MDGA2: variants seen among roughly 807,000 people sequenced by gnomAD.
The protein encoded by MDGA2 is MAM domain-containing glycosylphosphatidylinositol anchor protein 2.
Under a neutral mutation model 117.8 loss-of-function variants are expected in MDGA2, and 40 were observed. The ratio of observed to expected loss-of-function variants is 0.34; its 90% confidence interval spans 0.26 to 0.44. The LOEUF (loss-of-function observed/expected upper bound fraction) is 0.44. Among genes scored for constraint, MDGA2 ranks in the 20% least tolerant of loss-of-function variants. The pLI is 1.00. For synonymous variants in MDGA2, 452 were observed against 439.0 expected (o/e 1.03, Z -0.37); for missense variants, 1,123 against 1,250.6 (o/e 0.90, Z 1.54).
chr14:47,342,256 TTATA>T (rs10536485), intron 1 of MDGA2, among the ~76,000 whole-genome samples: 17,224 of 133,946 alleles, frequency 0.13, 1,095 homozygotes, highest in Non-Finnish European at 0.15. Flanking sequence ...CACAAAATGT[TTATA>T]TATATATATA....
chr14:47,637,814 T>C (rs1054345737), intron 1 of MDGA2, among the ~76,000 whole-genome samples: 1 of 152,236 alleles, frequency 6.6e-6, no homozygotes, highest in Non-Finnish European at 1.5e-5. Flanking sequence ...TCTCATTTCA[T>C]TGTTCTTCTT....
intron 1 of MDGA2, among the ~76,000 whole-genome samples, chr14:47,472,200 A>G (rs927447150): frequency 1.1e-4 from 16 of 152,326 alleles, no homozygotes; most frequent in Middle Eastern, 3.4e-3. Flanking sequence ...GCTATAAAAT[A>G]AATGGTCATA....
intron 8 of MDGA2, among the ~76,000 whole-genome samples, chr14:46,962,347 T>C (rs1005973491): frequency 5.9e-5 from 9 of 151,776 alleles, no homozygotes; most frequent in African/African-American, 1.7e-4. Flanking sequence ...AATGTGTAGA[T>C]TGGGTTTACT....
At chr14:47,421,143 C>T (rs6572423) in intron 1 of MDGA2, among the ~76,000 whole-genome samples, 98,111 of 151,982 alleles carry the variant, frequency 0.65, 31,834 homozygotes, top group Middle Eastern at 0.74. Flanking sequence ...GGAACCTACT[C>T]TCTGGGTCAG....
intron 1 of MDGA2, among the ~76,000 whole-genome samples, chr14:47,602,343 A>G (rs1016728239): frequency 1.3e-5 from 2 of 152,172 alleles, no homozygotes; most frequent in African/African-American, 4.8e-5. Context: ...GCCTGCTTCC[A>G]GATCATGGTG....
intron 1 of MDGA2, among the ~76,000 whole-genome samples, chr14:47,668,154 G>T (rs1898010500): frequency 6.6e-6 from 1 of 152,098 alleles, no homozygotes; most frequent in Non-Finnish European, 1.5e-5. Flanking sequence ...AAATCAGCAG[G>T]AAAAGAAACA....
intron 10 of MDGA2, among the ~76,000 whole-genome samples, chr14:46,901,677 A>G (rs1445431594): frequency 6.6e-6 from 1 of 152,230 alleles, no homozygotes; most frequent in African/African-American, 2.4e-5. Context: ...CAATTTAATT[A>G]ACCTGTAATG....
At chr14:46,961,504 C>T (rs563082399) in intron 8 of MDGA2, among the ~76,000 whole-genome samples, 71 of 152,262 alleles carry the variant, frequency 4.7e-4, no homozygotes, top group Non-Finnish European at 4.7e-4. Flanking sequence ...ATTCCAATAA[C>T]GTATACTTCA....
At chr14:47,185,739 TA>T (rs1884886757) in intron 3 of MDGA2, among the ~76,000 whole-genome samples, 1 of 151,676 alleles carries the variant, frequency 6.6e-6, no homozygotes, top group South Asian at 2.1e-4. Flanking sequence ...TTTATGAGTA[TA>T]AATCTTATTT....
chr14:47,534,004 C>G (rs1895155238), intron 1 of MDGA2, among the ~76,000 whole-genome samples: 1 of 152,116 alleles, frequency 6.6e-6, no homozygotes, highest in Admixed American at 6.6e-5. Context: ...CTAGTTTAAG[C>G]AGCCTAAACC....
intron 1 of MDGA2, among the ~76,000 whole-genome samples, chr14:47,493,377 G>A (rs2138658376): frequency 6.6e-6 from 1 of 151,488 alleles, no homozygotes; most frequent in South Asian, 2.1e-4. Context: ...GTGCAATGCT[G>A]TGATCTTGGC....
At chr14:47,148,559 C>A (rs1279975664) in intron 3 of MDGA2, among the ~76,000 whole-genome samples, 1 of 152,156 alleles carries the variant, frequency 6.6e-6, no homozygotes, top group Non-Finnish European at 1.5e-5. Flanking sequence ...GTGCCCACTC[C>A]AGAATACTGA....
At chr14:47,181,639 T>C (rs950224926) in intron 3 of MDGA2, among the ~76,000 whole-genome samples, 3 of 152,238 alleles carry the variant, frequency 2.0e-5, no homozygotes, top group African/African-American at 7.2e-5. Context: ...TTCAGATTCA[T>C]AGATGAAAGT....
intron 2 of MDGA2, among the ~76,000 whole-genome samples, chr14:47,253,233 C>T (rs776627605): frequency 1.3e-5 from 2 of 152,176 alleles, no homozygotes; most frequent in Non-Finnish European, 1.5e-5. Flanking sequence ...ATCATGACTT[C>T]CCAACAGTCC....
At position 46,957,536 on chromosome 14, in the gene MDGA2, A is replaced by T; in HGVS notation, c.1927T>A (p.Tyr643Asn). ...LRAYPIRVLT[Y>N]EWRLGNKLLR... ...AATTTATTGCCCAAGCGCCACTCAT[A>T]GGTCAGCACCCGTATTGGATAGGCT... Residue 643 changes from tyrosine (Y) to asparagine (N), a missense_variant, in exon 9 of 17, where the codon TAT (tyrosine) becomes AAT (asparagine). Transcript: ENST00000399232. 6.2e-7 allele frequency: 1 copy of T among 1,614,128 alleles called. No homozygotes were observed. The highest frequency in any genetic ancestry group is 1.7e-5 in the Admixed American group (1 of 60,004).
chr14:47,606,844 G>A lies in MDGA2; in HGVS notation c.280+67673C>T, dbSNP rs76228146. On this transcript the variant is annotated intron_variant, in intron 1 of 16. Transcript: ENST00000399232. ...AGAGAATTTTGTAAAATAATTCACCGGTTTTCCCTACTGCTTAAACTTTGC... is the reference window on the plus strand; with the variant it reads ...AGAGAATTTTGTAAAATAATTCACCAGTTTTCCCTACTGCTTAAACTTTGC... Among the ~76,000 whole-genome samples the A allele has an allele frequency of 2.5e-3, 386 of 152,144 alleles. 3 individuals carry two copies. Among genetic ancestry groups the A allele is most frequent in the African/African-American group, 9.0e-3 (373 of 41,528 alleles).
intron 9 of MDGA2, among the ~76,000 whole-genome samples, chr14:46,952,892 G>A (rs7153474): frequency 0.12 from 17,890 of 151,772 alleles, 2,001 homozygotes; most frequent in African/African-American, 0.27. Context: ...TTATGACAAT[G>A]AAGAATTTGC....
At chr14:47,524,963 T>A (rs929468910) in intron 1 of MDGA2, among the ~76,000 whole-genome samples, 1 of 152,222 alleles carries the variant, frequency 6.6e-6, no homozygotes, top group African/African-American at 2.4e-5. Context: ...GGAGTGCTCA[T>A]TAAACTCACA....
intron 9 of MDGA2, 133 bp from the exon 10 acceptor site, chr14:46,920,293 T>A: frequency 2.3e-6 from 2 of 859,288 alleles, no homozygotes; most frequent in Non-Finnish European, 1.7e-6. Flanking sequence ...ATTTTCTGGA[T>A]ATGTTTTGAG....
Sources: allele counts gnomAD v4.1 joint callset (sites outside exome capture counted in the v4.1 genomes callset), GRCh38; gene constraint gnomAD v4.1.1; transcripts MANE v1.5; gene names NCBI Gene and HGNC (gene_info 2026-07-23, HGNC 2026-07-21).